NR1D1: variants seen among roughly 807,000 people sequenced by gnomAD.
NR1D1 encodes nuclear receptor subfamily 1 group D member 1.
NR1D1 carries 17 observed loss-of-function variants against 51.1 expected under a neutral mutation model. That is an observed-to-expected ratio of 0.33 (90% CI 0.23 to 0.50). The LOEUF (loss-of-function observed/expected upper bound fraction) is 0.50, where lower values mean the gene tolerates loss of function less well. Ranked by LOEUF, NR1D1 falls within the 20% of genes least tolerant of loss-of-function variation. The pLI, the probability that NR1D1 is intolerant of heterozygous loss-of-function variation, is 0.98. For synonymous variants in NR1D1, 341 were observed against 333.4 expected, an observed-to-expected ratio of 1.02 and a Z score of -0.25; for missense variants, 647 against 830.4, an observed-to-expected ratio of 0.78 and a Z score of 2.71.
chr17:40,095,582 A>T lies in NR1D1; in HGVS notation c.1110T>A (p.Pro370=), dbSNP rs61736537. 6.2e-6 allele frequency: 10 copies of T among 1,610,842 alleles called. No homozygotes were observed. The highest frequency in any genetic ancestry group is 8.5e-6 in the Non-Finnish European group (10 of 1,178,172). ...QAPSSYPPTW[P]PGPAHHSCHQ... Reference sequence around the variant, plus strand: ...GGCAGCTGTGGTGTGCAGGGCCAGGAGGCCAGGTGGGAGGGTAGGAGGAGG... The same window carrying T: ...GGCAGCTGTGGTGTGCAGGGCCAGGTGGCCAGGTGGGAGGGTAGGAGGAGG... Residue 370 remains proline, a synonymous_variant, in exon 5 of 8, where the codon CCT becomes CCA. Transcript: ENST00000246672.
At position 40,093,010 on chromosome 17, in the gene NR1D1, T is replaced by C; in HGVS notation, c.*73A>G. The C allele has an allele frequency of 6.2e-7, 1 of 1,600,738 alleles. No homozygotes were observed. Among genetic ancestry groups the C allele is most frequent in the Non-Finnish European group, 8.5e-7 (1 of 1,170,242 alleles). On this transcript the variant is annotated 3_prime_UTR_variant, in exon 8 of 8. Transcript: ENST00000246672. The surrounding 1 kb of genome is among the most constrained non-coding windows in gnomAD (Gnocchi z 5.9). ...GATTCTGGTTTGCTTTTCCTTTTCGTCTCGTAAAGGAGAGAGAAGTGCAGA... is the reference window on the plus strand; with the variant it reads ...GATTCTGGTTTGCTTTTCCTTTTCGCCTCGTAAAGGAGAGAGAAGTGCAGA...
rs1232963501 is a variant in NR1D1 at position 40,097,141 on chromosome 17, G to C, written c.294C>G (p.Ser98Arg). The C allele has an allele frequency of 6.2e-7, 1 of 1,610,976 alleles. No individual in the cohort carries two copies. Among genetic ancestry groups the C allele is most frequent in the African/African-American group, 1.3e-5 (1 of 74,838 alleles). Residue 98 changes from serine to arginine, a missense_variant, in exon 2 of 8, where the codon AGC (serine) becomes AGG (arginine). Coordinates refer to ENST00000246672, the MANE Select transcript of NR1D1 (RefSeq NM_021724.5). The stretch of plus-strand genomic sequence containing the variant: ...TGGCCACTTGTAGACTCCCAGGGGG[G>C]CTCCCATTATAGAAGGAGGAGGAGG... Reference protein sequence around the residue: ...SSSSSSFYNGSPPGSLQVAME... With the variant: ...SSSSSSFYNGRPPGSLQVAME...
At chr17:40,098,952 G>A (rs1239075574) in intron 1 of NR1D1, among the ~76,000 whole-genome samples, 1 of 151,966 alleles carries the variant, frequency 6.6e-6, no homozygotes, top group African/African-American at 2.4e-5. Context: ...TTTAGGGAGT[G>A]TAAAACAGAA....
chr17:40,097,966 C>A (rs2145104149), intron 1 of NR1D1, among the ~76,000 whole-genome samples: 1 of 152,304 alleles, frequency 6.6e-6, no homozygotes, highest in South Asian at 2.1e-4. Context: ...AGGAATCTGC[C>A]CAGCCTGGTT....
In NR1D1 at chr17:40,096,574, C is replaced by T. The variant is rs1567660512; in HGVS notation, c.473G>A (p.Arg158Gln). 1.9e-6 allele frequency: 3 copies of T among 1,614,170 alleles called. No homozygotes were observed. Among genetic ancestry groups the T allele is most frequent in the South Asian group, 1.1e-5 (1 of 91,086 alleles). ...GTACTGGATGTTCTGCTGGATGCTC[C>T]GACGGAAAAAGCCCTGGAGGGCAGG... is the stretch of plus-strand genomic sequence containing the variant. ...ACEGCKGFFRRSIQQNIQYKR... is the reference protein window; with the variant it reads ...ACEGCKGFFRQSIQQNIQYKR... Residue 158 changes from arginine (R) to glutamine (Q), a missense_variant, in exon 4 of 8, where the codon CGG becomes CAG. Coordinates refer to ENST00000246672, the MANE Select transcript of NR1D1 (RefSeq NM_021724.5).
chr17:40,093,381 G>T lies in NR1D1; in HGVS notation c.1646-99C>A. On this transcript the variant is annotated intron_variant, in intron 7 of 7. Transcript: ENST00000246672. This position sits in a 1 kb window ranked among gnomAD's most constrained non-coding sequence, Gnocchi z 5.9. ...CTGGCAGGCAATGCAGCCTCTCCCT[G>T]AAGCCCCCCAGAAGGCCGATGGGGA... 1 of 1,609,520 alleles carries T rather than the reference G, an allele frequency of 6.2e-7. No homozygotes were observed. Among genetic ancestry groups the T allele is most frequent in the Non-Finnish European group, 8.5e-7 (1 of 1,177,768 alleles).
rs201066687 is a variant in NR1D1, at chr17:40,097,368, A to G, written c.67T>C (p.Ser23Pro). The change falls in exon 2 of 8, where the codon TCC (serine) becomes CCC (proline). Residue 23 changes from serine to proline, a missense_variant. Physicochemically the swap from Ser to Pro is moderately conservative, Grantham distance 74. Transcript: ENST00000246672. Reference sequence around the variant, plus strand: ...GATTCAGGGCTGGTGCGGCTTGGGGAGGAGCCACTGGAGCCAATGTAGGTG... The same window carrying G: ...GATTCAGGGCTGGTGCGGCTTGGGGGGGAGCCACTGGAGCCAATGTAGGTG... ...VITYIGSSGS[S>P]PSRTSPESLY... 621 of 1,610,320 alleles carry G rather than the reference A, an allele frequency of 3.9e-4. No individual in the cohort carries two copies. The highest frequency in any genetic ancestry group is 5.1e-4 in the Middle Eastern group (3 of 5,910).
rs772224971 is a variant in NR1D1, at chr17:40,095,595, G to A, written c.1097C>T (p.Pro366Leu). ...NGLRQAPSSY[P>L]PTWPPGPAHH... ...TGCAGGGCCAGGAGGCCAGGTGGGAGGGTAGGAGGAGGGAGCCTGGCGCAG... is the reference window on the plus strand; with the variant it reads ...TGCAGGGCCAGGAGGCCAGGTGGGAAGGTAGGAGGAGGGAGCCTGGCGCAG... Residue 366 changes from proline (P) to leucine (L), a missense_variant, in exon 5 of 8, where the codon CCT becomes CTT. Physicochemically the swap from Pro to Leu is moderately conservative, Grantham distance 98. Coordinates refer to ENST00000246672, the MANE Select transcript of NR1D1 (RefSeq NM_021724.5). 3.1e-6 allele frequency: 5 copies of A among 1,611,328 alleles called. No individual in the cohort carries two copies. The highest frequency in any genetic ancestry group is 1.7e-5 in the Admixed American group (1 of 59,722).
At chr17:40,099,617 G>A (rs1394112375) in intron 1 of NR1D1, among the ~76,000 whole-genome samples, 3 of 152,070 alleles carry the variant, frequency 2.0e-5, no homozygotes, top group Non-Finnish European at 4.4e-5. Flanking sequence ...GAACCCCATC[G>A]CGCCACTCTT....
At position 40,095,985 on chromosome 17, in the gene NR1D1, G is replaced by A. The variant is rs867498902; in HGVS notation, c.707C>T (p.Pro236Leu). The A allele has an allele frequency of 8.7e-6, 14 of 1,612,536 alleles. No individual in the cohort carries two copies. Among genetic ancestry groups the A allele is most frequent in the African/African-American group, 4.0e-5 (3 of 74,882 alleles). Reference protein sequence around the residue: ...LANNQLSSQCPLETSPTQHPT... With the variant: ...LANNQLSSQCLLETSPTQHPT... ...GTGCTGGGTGGGTGAAGTCTCCAGC[G>A]GGCACTGGCTGCTCAACTGGTTGTT... The change falls in exon 5 of 8, where the codon CCG becomes CTG. Residue 236 changes from proline (P) to leucine (L), a missense_variant. By Grantham distance (98) the Pro-to-Leu change is moderately conservative. Coordinates refer to ENST00000246672, the MANE Select transcript of NR1D1 (RefSeq NM_021724.5).
Position 40,093,896 on chromosome 17 carries a change from C to A in NR1D1, c.1645+16G>T, listed in dbSNP as rs140575858. On this transcript the variant is annotated intron_variant, in intron 7 of 7. Coordinates refer to ENST00000246672, the MANE Select transcript of NR1D1 (RefSeq NM_021724.5). The surrounding 1 kb of genome is among the most constrained non-coding windows in gnomAD (Gnocchi z 5.9). ...CGTCTGCCTCCTCCCCCGGGTCAGG[C>A]GAGAGCCTGACCTACCTGCAGAGAC... 4.4e-3 allele frequency: 7,122 copies of A among 1,606,102 alleles called. 27 individuals are homozygous for A. The highest frequency in any genetic ancestry group is 5.3e-3 in the Non-Finnish European group (6,249 of 1,178,548).
chr17:40,097,460 T>G, intron 1 of NR1D1, 57 bp from the exon 2 acceptor site: 1 of 1,410,724 alleles, frequency 7.1e-7, no homozygotes, highest in Non-Finnish European at 9.8e-7. Flanking sequence ...GGACCTAGGG[T>G]GCCACTGTGC....
Position 40,094,075 on chromosome 17 carries a change from TGTCTGGTCCTTCAC to T in NR1D1, c.1468_1481del (p.Val490SerfsTer160). The T allele has an allele frequency of 6.2e-7, 1 of 1,614,018 alleles. No individual in the cohort carries two copies. Among genetic ancestry groups the T allele is most frequent in the Non-Finnish European group, 8.5e-7 (1 of 1,180,028 alleles). ...AGGTGGTGCGGCTTAGGAACATCAC[TGTCTGGTCCTTCAC>T]GTTGAACAACGAAGCAAAGCGCACC... On this transcript the variant is annotated frameshift_variant, in exon 7 of 8. Transcript: ENST00000246672. LOFTEE classifies it high-confidence loss of function.
chr17:40,097,899 A>T (rs1275284449), intron 1 of NR1D1, among the ~76,000 whole-genome samples: 1 of 152,242 alleles, frequency 6.6e-6, no homozygotes, highest in East Asian at 1.9e-4. Context: ...TTACAAAAGT[A>T]AGACAGTCAC....
rs1262230706 is a variant in NR1D1, at chr17:40,094,058, C to T, written c.1499G>A (p.Arg500His). The change falls in exon 7 of 8, where the codon CGC becomes CAC. Residue 500 changes from arginine (R) to histidine (H), a missense_variant. By Grantham distance (29) the Arg-to-His change is conservative. Coordinates refer to ENST00000246672, the MANE Select transcript of NR1D1 (RefSeq NM_021724.5). ...VKDQTVMFLS[R>H]TTYSLQELGA... Reference sequence around the variant, plus strand: ...AAGCTCCTGCAGGCTGTAGGTGGTGCGGCTTAGGAACATCACTGTCTGGTC... The same window carrying T: ...AAGCTCCTGCAGGCTGTAGGTGGTGTGGCTTAGGAACATCACTGTCTGGTC... 7 of 1,614,034 alleles carry T rather than the reference C, an allele frequency of 4.3e-6. No homozygotes were observed. The highest frequency in any genetic ancestry group is 2.2e-5 in the East Asian group (1 of 44,888).
At position 40,092,838 on chromosome 17, in the gene NR1D1, A is replaced by C; in HGVS notation, c.*245T>G. ...TTGAGACAGGAACAGAACAAATCAG[A>C]GGGCCAGGGGAGGGTTGTGGGGGAG... On this transcript the variant is annotated 3_prime_UTR_variant, in exon 8 of 8. Coordinates refer to ENST00000246672, the MANE Select transcript of NR1D1 (RefSeq NM_021724.5). 1.2e-6 allele frequency: 1 copy of C among 844,786 alleles called. No individual in the cohort carries two copies. The highest frequency in any genetic ancestry group is 1.8e-6 in the Non-Finnish European group (1 of 564,650). 52.3% of individuals were successfully genotyped at this position (844,786 alleles called of 1,614,324 possible).
intron 1 of NR1D1, 54 bp from the exon 2 acceptor site, chr17:40,097,457 G>A: frequency 4.9e-6 from 7 of 1,440,996 alleles, no homozygotes; most frequent in Non-Finnish European, 5.7e-6. Flanking sequence ...TCCGGACCTA[G>A]GGTGCCACTG....
chr17:40,097,784 C>T (rs1987794384), intron 1 of NR1D1, among the ~76,000 whole-genome samples: 1 of 152,104 alleles, frequency 6.6e-6, no homozygotes, highest in Non-Finnish European at 1.5e-5. Context: ...GCCCAGTCCT[C>T]CAAAAACAAA....
At chr17:40,095,211 G>A in intron 5 of NR1D1, 91 bp from the exon 6 acceptor site, 1 of 1,354,638 alleles carries the variant, frequency 7.4e-7, no homozygotes, top group Non-Finnish European at 1.0e-6. Flanking sequence ...ATTCTGCCTG[G>A]GCTAGGGGCT....
Sources: allele counts gnomAD v4.1 joint callset (sites outside exome capture counted in the v4.1 genomes callset), GRCh38; gene constraint gnomAD v4.1.1; non-coding constraint Gnocchi (gnomAD v3.1); transcripts MANE v1.5; gene names NCBI Gene and HGNC (gene_info 2026-07-23, HGNC 2026-07-21).